PIP5K1B: variants seen among roughly 807,000 people sequenced by gnomAD.
PIP5K1B encodes phosphatidylinositol 4-phosphate 5-kinase type-1 beta.
In PIP5K1B, 42 loss-of-function variants were observed where a neutral mutation model predicts 67.0. The ratio of observed to expected loss-of-function variants is 0.63; its 90% CI spans 0.49 to 0.81. The LOEUF is 0.81. Ranked by LOEUF, PIP5K1B falls within the 30% of genes least tolerant of loss-of-function variation. The pLI, the probability that PIP5K1B is intolerant of heterozygous loss-of-function variation, is 0.00. For missense variants in PIP5K1B, 459 were observed against 646.3 expected (o/e 0.71, Z 3.14); for synonymous variants, 214 against 231.4 (o/e 0.92, Z 0.68).
intron 4 of PIP5K1B, among the ~76,000 whole-genome samples, chr9:68,863,196 GTCT>G (rs1407560294): frequency 6.6e-6 from 1 of 152,092 alleles, no homozygotes; most frequent in Non-Finnish European, 1.5e-5. Flanking sequence ...ACCAAAAAAT[GTCT>G]TCAGATATCA....
rs150693708 is a variant in PIP5K1B, at chr9:68,842,132, T to C, written c.69+19449T>C. Reference sequence around the variant, plus strand: ...TTGGTTTCCACTTGGGCATTTCTCATGCTTGGATGGCTAATATACTCCCTG... The same window carrying C: ...TTGGTTTCCACTTGGGCATTTCTCACGCTTGGATGGCTAATATACTCCCTG... On this transcript the variant is annotated intron_variant, in intron 4 of 15. Coordinates refer to ENST00000265382, the MANE Select transcript of PIP5K1B (RefSeq NM_003558.4). Among the ~76,000 whole-genome samples the C allele has an allele frequency of 5.9e-3, 896 of 152,344 alleles. 5 individuals carry two copies. The highest frequency in any genetic ancestry group is 0.02 in the African/African-American group (846 of 41,580).
At chr9:69,005,983 A>ACT (rs1221657212) in intron 15 of PIP5K1B, among the ~76,000 whole-genome samples, 3 of 151,394 alleles carry the variant, frequency 2.0e-5, no homozygotes, top group South Asian at 2.1e-4. Context: ...GGGCTTAAGC[A>ACT]ATCCTCCCAC....
At chr9:69,006,659 C>T (rs989997872) in intron 15 of PIP5K1B, among the ~76,000 whole-genome samples, 1 of 152,158 alleles carries the variant, frequency 6.6e-6, no homozygotes, top group African/African-American at 2.4e-5. Flanking sequence ...GGGGTCCTGG[C>T]TCCAGGGCCC....
chr9:68,890,332 T>G (rs1824719234), intron 7 of PIP5K1B, among the ~76,000 whole-genome samples: 1 of 152,218 alleles, frequency 6.6e-6, no homozygotes, highest in African/African-American at 2.4e-5. Context: ...TCCAGGCATT[T>G]TCATACCTCC....
intron 2 of PIP5K1B, among the ~76,000 whole-genome samples, chr9:68,803,394 GA>G (rs1832707899): frequency 6.6e-6 from 1 of 152,190 alleles, no homozygotes; most frequent in South Asian, 2.1e-4. Context: ...GCAGTGAGAA[GA>G]AAAGAATTCG....
chr9:68,847,413 T>TTGTGTGTGTGTGTGTGTGTG lies in PIP5K1B; in HGVS notation c.70-16392_70-16373dup, dbSNP rs777818994. ...TAAATCAGCAACAACAGCAGTGGTT[T>TTGTGTGTGTGTGTGTGTGTG]TGTGTGTGTGTGTGTGTGTGTGTGT... is the stretch of plus-strand genomic sequence containing the variant. On this transcript the variant is annotated intron_variant, in intron 4 of 15. Transcript: ENST00000265382. Among the ~76,000 whole-genome samples, 53 of 101,644 alleles carry TTGTGTGTGTGTGTGTGTGTG rather than the reference T, an allele frequency of 5.2e-4. 1 individual carries two copies. Among genetic ancestry groups the TTGTGTGTGTGTGTGTGTGTG allele is most frequent in the East Asian group, 3.5e-3 (11 of 3,174 alleles). The allele number at this position is 101,644 out of a possible 152,430, so 66.7% of individuals were successfully genotyped here.
At chr9:68,802,578 A>G (rs1700680850) in intron 2 of PIP5K1B, among the ~76,000 whole-genome samples, 1 of 152,228 alleles carries the variant, frequency 6.6e-6, no homozygotes, top group South Asian at 2.1e-4. Flanking sequence ...AGAGCACGTG[A>G]GTACAGAGAA....
intron 12 of PIP5K1B, among the ~76,000 whole-genome samples, chr9:68,927,117 C>A (rs1302504335): frequency 1.3e-5 from 2 of 152,076 alleles, no homozygotes; most frequent in African/African-American, 4.8e-5. Context: ...GTAATTTATT[C>A]TTTTTATTGC....
intron 12 of PIP5K1B, 84 bp from the exon 13 acceptor site, chr9:68,934,806 A>G (rs557238345): frequency 2.1e-6 from 2 of 943,602 alleles, no homozygotes; most frequent in South Asian, 5.2e-5. Flanking sequence ...AATGTTAATA[A>G]ATAATAAAAT....
At chr9:68,951,204 A>C (rs569794553) in intron 14 of PIP5K1B, among the ~76,000 whole-genome samples, 1 of 152,230 alleles carries the variant, frequency 6.6e-6, no homozygotes, top group Non-Finnish European at 1.5e-5. Flanking sequence ...AGCCAGCCCT[A>C]TTAAAAATTA....
At chr9:68,754,398 C>T (rs1435441922) in intron 2 of PIP5K1B, among the ~76,000 whole-genome samples, 4 of 150,030 alleles carry the variant, frequency 2.7e-5, no homozygotes, top group Non-Finnish European at 5.9e-5. Context: ...CTCAATCTCC[C>T]GACCTCGTGA....
chr9:68,818,830 G>A (rs78482973), intron 3 of PIP5K1B, among the ~76,000 whole-genome samples: 2,623 of 152,138 alleles, frequency 0.017, 26 homozygotes, highest in Non-Finnish European at 0.028. Flanking sequence ...TTTAAGTGTA[G>A]CAGTGTTCAC....
intron 2 of PIP5K1B, among the ~76,000 whole-genome samples, chr9:68,792,510 C>T (rs1458969495): frequency 2.0e-5 from 3 of 152,038 alleles, no homozygotes; most frequent in African/African-American, 4.8e-5. Flanking sequence ...GACAGAGTCT[C>T]GCTCTGTCGC....
intron 15 of PIP5K1B, among the ~76,000 whole-genome samples, chr9:68,999,431 G>A (rs1393329583): frequency 6.6e-6 from 1 of 152,122 alleles, no homozygotes; most frequent in Non-Finnish European, 1.5e-5. Flanking sequence ...TGTGACGTTA[G>A]ATAGATGTTT....
At chr9:68,909,253 C>G in intron 8 of PIP5K1B, among the ~76,000 whole-genome samples, 1 of 152,022 alleles carries the variant, frequency 6.6e-6, no homozygotes, top group East Asian at 1.9e-4. Flanking sequence ...ACTCTGTGCT[C>G]TATTTTTAAC....
At chr9:68,989,847 G>A (rs184415432) in intron 14 of PIP5K1B, among the ~76,000 whole-genome samples, 50 of 152,206 alleles carry the variant, frequency 3.3e-4, no homozygotes, top group African/African-American at 1.2e-3. Context: ...AGGCATGGTG[G>A]TGCACACCTG....
At chr9:68,829,532 T>G (rs1172485439) in intron 4 of PIP5K1B, among the ~76,000 whole-genome samples, 1 of 152,108 alleles carries the variant, frequency 6.6e-6, no homozygotes. Flanking sequence ...GAGATAGAGG[T>G]CAAGGATGCT....
chr9:68,754,058 C>T (rs1829782878), intron 2 of PIP5K1B, among the ~76,000 whole-genome samples: 1 of 152,070 alleles, frequency 6.6e-6, no homozygotes. Context: ...ATTGTAACTC[C>T]ATTGCATTTC....
intron 1 of PIP5K1B, among the ~76,000 whole-genome samples, chr9:68,710,461 CAG>C (rs1401645764): frequency 6.6e-5 from 10 of 152,070 alleles, no homozygotes; most frequent in African/African-American, 2.4e-4. Flanking sequence ...CTGCTATTGA[CAG>C]AGAATTGTAT....
Sources: allele counts gnomAD v4.1 joint callset (sites outside exome capture counted in the v4.1 genomes callset), GRCh38; gene constraint gnomAD v4.1.1; transcripts MANE v1.5; gene names NCBI Gene and HGNC (gene_info 2026-07-23, HGNC 2026-07-21).